SERPINB8: variants seen among roughly 807,000 people sequenced by gnomAD.
SERPINB8 encodes serpin B8.
A neutral mutation model predicts 35.3 loss-of-function variants in SERPINB8; 25 were observed. The ratio of observed to expected loss-of-function variants is 0.71; its 90% confidence interval spans 0.52 to 0.99. The LOEUF (loss-of-function observed/expected upper bound fraction) is 0.99, where lower values mean the gene tolerates loss of function less well. SERPINB8 is among the 50% of genes least tolerant of loss of function. SERPINB8 has a pLI of 0.00. For missense variants in SERPINB8, 484 were observed against 446.5 expected, an observed-to-expected ratio of 1.08 and a Z score of -0.76; for synonymous variants, 186 against 160.8, an observed-to-expected ratio of 1.16 and a Z score of -1.19.
At chr18:63,986,162 G>T in intron 6 of SERPINB8, 1 of 1,068,878 alleles carries the variant, frequency 9.4e-7, no homozygotes, top group Non-Finnish European at 1.4e-6. Flanking sequence ...GCTCGTTGGA[G>T]AGGAGTACCC....
downstream of SERPINB8, among the ~76,000 whole-genome samples, chr18:63,990,076 T>G (rs1029333361): frequency 2.6e-4 from 38 of 148,704 alleles, no homozygotes; most frequent in African/African-American, 8.3e-4. Context: ...TTCGTGTTTT[T>G]TTTTTTTTTT....
Position 63,996,462 on chromosome 18 carries a change from C to T in SERPINB8, c.71-8357C>T, listed in dbSNP as rs374583817. 3.0e-4 allele frequency among the ~76,000 whole-genome samples: 45 copies of T among 152,306 alleles called. 1 individual carries two copies. The highest frequency in any genetic ancestry group is 1.2e-3 in the East Asian group (6 of 5,192). ...ATGCCTTTTTCAGCATCCTCCCACA[C>T]GGAGAAGTCCAGGATCAACTTGCCT... On this transcript the variant is annotated intron_variant, in intron 1 of 1. Coordinates refer to the SERPINB8 transcript ENST00000493661.
chr18:63,992,999 C>T (rs914565138), downstream of SERPINB8, among the ~76,000 whole-genome samples: 1 of 152,124 alleles, frequency 6.6e-6, no homozygotes, highest in African/African-American at 2.4e-5. Context: ...CTCTTGGCGG[C>T]AGGTGCAGTG....
intron 7 of SERPINB8, among the ~76,000 whole-genome samples, chr18:64,017,768 A>T (rs1287846851): frequency 6.6e-6 from 1 of 152,212 alleles, no homozygotes; most frequent in African/African-American, 2.4e-5. Context: ...GCTGAATCAC[A>T]TTGCACACCA....
chr18:63,973,588 T>A (rs1012035949), intron 1 of SERPINB8, among the ~76,000 whole-genome samples: 1 of 152,230 alleles, frequency 6.6e-6, no homozygotes, highest in Admixed American at 6.5e-5. Context: ...CTGAATGGTA[T>A]TGCCTAGGTT....
chr18:63,992,036 G>A (rs1281045201), downstream of SERPINB8, among the ~76,000 whole-genome samples: 1 of 152,126 alleles, frequency 6.6e-6, no homozygotes, highest in Admixed American at 6.5e-5. Flanking sequence ...GATGCAATTT[G>A]TTAAAATATT....
At position 63,981,804 on chromosome 18, in the gene SERPINB8, G is replaced by A. The variant is rs200805347; in HGVS notation, c.390G>A (p.Lys130=). The A allele has an allele frequency of 9.7e-5, 157 of 1,613,298 alleles. No homozygotes were observed. The highest frequency in any genetic ancestry group is 6.6e-4 in the Middle Eastern group (4 of 6,080). The change falls in exon 4 of 7, where the codon AAG becomes AAA. Residue 130 remains lysine (K), a synonymous_variant. Transcript: ENST00000397985. ...SFAEDTEECR[K]HINDWVAEKT... is the part of the protein sequence containing the mutation. Reference sequence around the variant, plus strand: ...CTGAAGACACTGAAGAGTGCAGGAAGCATATAAATGACTGGGTGGCAGAGA... The same window carrying A: ...CTGAAGACACTGAAGAGTGCAGGAAACATATAAATGACTGGGTGGCAGAGA...
At chr18:63,998,283 C>T (rs1281394856) in intron 1 of SERPINB8, among the ~76,000 whole-genome samples, 2 of 152,170 alleles carry the variant, frequency 1.3e-5, no homozygotes, top group African/African-American at 2.4e-5. Flanking sequence ...AGGCAACACT[C>T]TTCAGTCCCT....
intron 3 of SERPINB8, among the ~76,000 whole-genome samples, chr18:63,981,164 A>G (rs553762241): frequency 6.6e-6 from 1 of 152,116 alleles, no homozygotes; most frequent in East Asian, 1.9e-4. Flanking sequence ...CACACACCCT[A>G]TGATCCAGGC....
chr18:63,999,693 C>A (rs1458094842), intron 1 of SERPINB8, among the ~76,000 whole-genome samples: 1 of 152,172 alleles, frequency 6.6e-6, no homozygotes. Context: ...CAGGCCTTTA[C>A]CTTCCTTTTT....
rs2050706148 is a variant in SERPINB8, at chr18:63,983,622, G to A, written c.468G>A (p.Leu156=). The change falls in exon 5 of 7, where the codon CTG becomes CTA. Residue 156 remains leucine (L), a synonymous_variant. Transcript: ENST00000397985. ...TGGATGCTGGGACAGTCGATCCCCT[G>A]ACAAAGCTGGTCCTTGTGAATGCCA... is the stretch of plus-strand genomic sequence containing the variant. ...EVLDAGTVDP[L]TKLVLVNAIY... is the part of the protein sequence containing the mutation. 1 of 1,613,900 alleles carries A rather than the reference G, an allele frequency of 6.2e-7. No individual in the cohort carries two copies. Among genetic ancestry groups the A allele is most frequent in the Non-Finnish European group, 8.5e-7 (1 of 1,179,800 alleles).
intron 6 of SERPINB8, 36 bp from the exon 7 acceptor site, chr18:63,986,838 A>G: frequency 6.4e-7 from 1 of 1,558,226 alleles, no homozygotes. Flanking sequence ...GGCTATTGTC[A>G]TCTAAATTTT....
At chr18:63,978,550 T>C (rs546168459) in intron 2 of SERPINB8, 74 bp downstream of exon 2, 2 of 1,559,282 alleles carry the variant, frequency 1.3e-6, no homozygotes, top group Non-Finnish European at 1.7e-6. Context: ...CTTTCTGTAC[T>C]TTTGCTCTAG....
intron 1 of SERPINB8, among the ~76,000 whole-genome samples, chr18:63,995,026 T>G (rs943609535): frequency 3.3e-5 from 5 of 152,196 alleles, no homozygotes; most frequent in Admixed American, 3.3e-4. Flanking sequence ...AATTGCTCTC[T>G]GAGCCTGATG....
chr18:63,995,433 A>G (rs115935043), intron 1 of SERPINB8, among the ~76,000 whole-genome samples: 111 of 152,272 alleles, frequency 7.3e-4, no homozygotes, highest in South Asian at 3.9e-3. Flanking sequence ...GAAACAGATA[A>G]TGTTCTCTGG....
At chr18:64,010,901 A>T (rs776919600) in intron 7 of SERPINB8, among the ~76,000 whole-genome samples, 5 of 151,958 alleles carry the variant, frequency 3.3e-5, no homozygotes. Flanking sequence ...CTGTTTCTTA[A>T]GCTGGGTAGT....
At chr18:63,989,615 A>G (rs1044238734), downstream of SERPINB8, among the ~76,000 whole-genome samples, 3 of 152,058 alleles carry the variant, frequency 2.0e-5, no homozygotes, top group African/African-American at 4.8e-5. Context: ...TTTTGGTTGC[A>G]TTTCCCTAAT....
At chr18:63,979,687 C>A (rs1341094574) in intron 2 of SERPINB8, 114 bp from the exon 3 acceptor site, 12 of 1,329,908 alleles carry the variant, frequency 9.0e-6, no homozygotes, top group East Asian at 4.6e-5. Context: ...TTAGGCCAAA[C>A]CTTTTTAAAG....
chr18:64,005,746 T>C (rs576930380), downstream of SERPINB8: 1 of 152,284 alleles, frequency 6.6e-6, no homozygotes, highest in African/African-American at 2.4e-5. Flanking sequence ...GCTATTACTA[T>C]AGGGGAGAGA....
Sources: gnomAD v4.1 joint callset for allele counts (sites outside exome capture counted in the v4.1 genomes callset) on GRCh38, gnomAD v4.1.1 for gene constraint, MANE v1.5 for transcripts, NCBI Gene and HGNC (gene_info 2026-07-23, HGNC 2026-07-21) for gene names.